The following PAWR variants were observed in gnomAD, a reference collection of about 807,000 sequenced individuals.
PAWR encodes pro-apoptotic WT1 regulator.
PAWR carries 23 observed loss-of-function variants against 32.0 expected under a neutral mutation model. The ratio of observed to expected loss-of-function variants is 0.72; its 90% CI spans 0.52 to 1.02. The LOEUF is 1.02. PAWR is among the 50% of genes least tolerant of loss of function. The pLI is 0.00. For synonymous variants in PAWR, 226 were observed against 187.1 expected, an observed-to-expected ratio of 1.21 and a Z score of -1.70; for missense variants, 457 against 437.7, an observed-to-expected ratio of 1.04 and a Z score of -0.39.
At chr12:79,658,719 A>G (rs1398955796) in intron 2 of PAWR, among the ~76,000 whole-genome samples, 1 of 152,148 alleles carries the variant, frequency 6.6e-6, no homozygotes, top group Non-Finnish European at 1.5e-5. Context: ...GCTGGAGTGC[A>G]GTGGCATGAT....
At chr12:79,638,598 G>A (rs1422955360) in intron 2 of PAWR, among the ~76,000 whole-genome samples, 2 of 151,270 alleles carry the variant, frequency 1.3e-5, no homozygotes, top group African/African-American at 4.9e-5. Flanking sequence ...GACTCTACTG[G>A]TTTCTACTTT....
chr12:79,682,060 TTTAAG>T (rs1169432279), intron 2 of PAWR, among the ~76,000 whole-genome samples: 1 of 152,212 alleles, frequency 6.6e-6, no homozygotes, highest in African/African-American at 2.4e-5. Flanking sequence ...AAGATGTCTT[TTTAAG>T]TTAATTTCAT....
At chr12:79,683,929 G>C (rs958181313) in intron 2 of PAWR, among the ~76,000 whole-genome samples, 1 of 152,002 alleles carries the variant, frequency 6.6e-6, no homozygotes, top group South Asian at 2.1e-4. Context: ...CTGTAAAGTG[G>C]GAAAGGCTGA....
At position 79,690,254 on chromosome 12, in the gene PAWR, GGGGCCGGTC is replaced by G; in HGVS notation, c.-19_-11del. 6.7e-7 allele frequency: 1 copy of G among 1,492,770 alleles called. No homozygotes were observed. The highest frequency in any genetic ancestry group is 8.9e-7 in the Non-Finnish European group (1 of 1,125,852). 92.5% of individuals were successfully genotyped at this position (1,492,770 alleles called of 1,614,324 possible). ...AGCCACCGGTCGCCATATTCCCAAAGGGGCCGGTCGGGCTCTCACCTCAGGCCGCCCACC... is the reference window on the plus strand; with the variant it reads ...AGCCACCGGTCGCCATATTCCCAAAGGGGCTCTCACCTCAGGCCGCCCACC... On this transcript the variant is annotated 5_prime_UTR_variant, in exon 2 of 7. Coordinates refer to ENST00000328827, the MANE Select transcript of PAWR (RefSeq NM_002583.4).
chr12:79,665,729 T>A (rs1877569958), intron 2 of PAWR, among the ~76,000 whole-genome samples: 1 of 152,154 alleles, frequency 6.6e-6, no homozygotes, highest in Admixed American at 6.5e-5. Context: ...AGTCTCTGGG[T>A]TGTATCATTT....
intron 2 of PAWR, among the ~76,000 whole-genome samples, chr12:79,656,568 G>T (rs1368329420): frequency 1.3e-5 from 2 of 152,126 alleles, no homozygotes; most frequent in Non-Finnish European, 2.9e-5. Context: ...AGGTTTAGCA[G>T]GAGAAAATTA....
intron 2 of PAWR, among the ~76,000 whole-genome samples, chr12:79,631,641 A>G (rs904622435): frequency 6.6e-6 from 1 of 152,210 alleles, no homozygotes; most frequent in Admixed American, 6.5e-5. Flanking sequence ...AAAAGACCTC[A>G]GTATGGAAAA....
At chr12:79,672,870 G>A (rs1263463995) in intron 2 of PAWR, among the ~76,000 whole-genome samples, 1 of 151,824 alleles carries the variant, frequency 6.6e-6, no homozygotes, top group African/African-American at 2.4e-5. Flanking sequence ...ACCACTATCT[G>A]TCCTATATTA....
intron 2 of PAWR, among the ~76,000 whole-genome samples, chr12:79,634,290 T>TC (rs1765259377): frequency 6.6e-6 from 1 of 152,182 alleles, no homozygotes; most frequent in African/African-American, 2.4e-5. Flanking sequence ...CTTGGTTTTT[T>TC]CTTTTTTAAA....
intron 2 of PAWR, among the ~76,000 whole-genome samples, chr12:79,632,359 A>ATTTT (rs1875742890): frequency 5.8e-5 from 1 of 17,184 alleles, no homozygotes; most frequent in African/African-American, 3.2e-4. Flanking sequence ...ATATATATAT[A>ATTTT]TATTTTTTTT....
rs1352350503 is a variant in PAWR, at chr12:79,587,115, G to A, written c.*5492C>T. 2 of 152,076 alleles carry A rather than the reference G, an allele frequency of 1.3e-5. No homozygotes were observed. The highest frequency in any genetic ancestry group is 1.5e-5 in the Non-Finnish European group (1 of 67,970). 9.4% of individuals were successfully genotyped at this position (152,076 alleles called of 1,614,324 possible). ...AAGGGAAAAAATTGAGTTTGATGAAGTCTAAGATGAAAGGTTCCATTTCAT... is the reference window on the plus strand; with the variant it reads ...AAGGGAAAAAATTGAGTTTGATGAAATCTAAGATGAAAGGTTCCATTTCAT... On this transcript the variant is annotated 3_prime_UTR_variant, in exon 7 of 7. Coordinates refer to ENST00000328827, the MANE Select transcript of PAWR (RefSeq NM_002583.4).
chr12:79,630,521 T>G (rs937432467), intron 2 of PAWR, among the ~76,000 whole-genome samples: 1 of 152,162 alleles, frequency 6.6e-6, no homozygotes, highest in Non-Finnish European at 1.5e-5. Flanking sequence ...CAGGCTGGTC[T>G]TGAACTCCTG....
chr12:79,654,080 G>A (rs1876981886), intron 2 of PAWR, among the ~76,000 whole-genome samples: 1 of 152,136 alleles, frequency 6.6e-6, no homozygotes, highest in Non-Finnish European at 1.5e-5. Context: ...TGTTAAAACA[G>A]CTGCTGTAAA....
chr12:79,613,473 TCTTA>T, intron 4 of PAWR, 98 bp downstream of exon 4: 1 of 567,762 alleles, frequency 1.8e-6, no homozygotes, highest in Non-Finnish European at 3.2e-6. Flanking sequence ...TAGAAAAGTT[TCTTA>T]CTTTTCAAAA....
In PAWR at chr12:79,596,888, C is replaced by T. The variant is rs1873781319; in HGVS notation, c.684-230G>A. The T allele has an allele frequency of 6.9e-6, 3 of 434,672 alleles. No individual in the cohort carries two copies. In the East Asian group the frequency reaches 1.1e-4, roughly 17 times the overall value. The allele number at this position is 434,672 out of a possible 1,614,324, so 26.9% of individuals were successfully genotyped here. A position where few individuals can be genotyped will look rare whatever the true frequency, so the allele number is the denominator to read the frequency against. ...TACTGAATAGGTGTTAAGTAACGAA[C>T]ACTGTTCTGGATACTGAAGACGTAA... On this transcript the variant is annotated intron_variant, in intron 4 of 6. Transcript: ENST00000328827.
At chr12:79,603,571 A>G (rs1449049235) in intron 4 of PAWR, 1 of 152,034 alleles carries the variant, frequency 6.6e-6, no homozygotes, top group East Asian at 1.9e-4. Context: ...CTTGATGAAC[A>G]TGTTTAAAAC....
intron 2 of PAWR, among the ~76,000 whole-genome samples, chr12:79,688,194 T>C (rs757402477): frequency 7.9e-5 from 12 of 151,612 alleles, no homozygotes; most frequent in Non-Finnish European, 1.6e-4. Context: ...AGATACACTC[T>C]ACTTACTTCC....
intron 2 of PAWR, among the ~76,000 whole-genome samples, chr12:79,626,857 G>A (rs1875353590): frequency 6.6e-6 from 1 of 151,922 alleles, no homozygotes; most frequent in Admixed American, 6.6e-5. Context: ...TTCTGTCCTT[G>A]CGATAATTTG....
At chr12:79,686,866 A>G (rs934871318) in intron 2 of PAWR, among the ~76,000 whole-genome samples, 2 of 152,138 alleles carry the variant, frequency 1.3e-5, no homozygotes, top group African/African-American at 4.8e-5. Flanking sequence ...CTCAGTACTT[A>G]AATTTTTTCA....
Sources: allele counts gnomAD v4.1 joint callset (sites outside exome capture counted in the v4.1 genomes callset), GRCh38; gene constraint gnomAD v4.1.1; transcripts MANE v1.5; gene names NCBI Gene and HGNC (gene_info 2026-07-23, HGNC 2026-07-21).